The following PEBP4 variants were observed in gnomAD, a reference collection of about 807,000 sequenced individuals.
PEBP4 encodes phosphatidylethanolamine binding protein 4.
PEBP4 carries 22 observed loss-of-function variants against 23.9 expected under a neutral mutation model. The observed-to-expected ratio is 0.92, with a 90% CI of 0.66 to 1.31. The LOEUF (loss-of-function observed/expected upper bound fraction) is 1.31, where lower values mean the gene tolerates loss of function less well. Among genes scored for constraint, PEBP4 ranks in the 40% most tolerant of loss-of-function variants. The pLI is 0.00. For synonymous variants in PEBP4, 112 were observed against 99.3 expected (o/e 1.13, Z -0.76); for missense variants, 324 against 281.7 (o/e 1.15, Z -1.07).
intron 4 of PEBP4, among the ~76,000 whole-genome samples, chr8:22,735,439 G>C (rs1804839649): frequency 6.6e-6 from 1 of 152,224 alleles, no homozygotes; most frequent in African/African-American, 2.4e-5. Context: ...GTGTGCATGA[G>C]ACATGGGAAG....
chr8:22,749,652 C>T (rs1805204355), intron 4 of PEBP4, among the ~76,000 whole-genome samples: 1 of 152,056 alleles, frequency 6.6e-6, no homozygotes. Flanking sequence ...ATGCAGGCAC[C>T]AATGAGCTGC....
intron 2 of PEBP4, among the ~76,000 whole-genome samples, chr8:22,926,128 A>C (rs1809324668): frequency 1.3e-5 from 2 of 151,894 alleles, no homozygotes; most frequent in African/African-American, 2.4e-5. Context: ...GGTGTGCGCC[A>C]CCATGCCCGG....
chr8:22,898,774 T>G (rs1249353132), intron 3 of PEBP4, among the ~76,000 whole-genome samples: 2 of 152,116 alleles, frequency 1.3e-5, no homozygotes, highest in Non-Finnish European at 2.9e-5. Flanking sequence ...AAATGTGTGG[T>G]TGAAATCCAG....
chr8:22,811,047 G>T (rs1246004925), intron 4 of PEBP4, among the ~76,000 whole-genome samples: 1 of 152,032 alleles, frequency 6.6e-6, no homozygotes, highest in Non-Finnish European at 1.5e-5. Context: ...CTTCCTGCAT[G>T]TATACCTTAT....
chr8:22,890,736 C>T (rs118062065), intron 3 of PEBP4, among the ~76,000 whole-genome samples: 4 of 152,350 alleles, frequency 2.6e-5, no homozygotes, highest in East Asian at 1.9e-4. Context: ...TGACTTTTAC[C>T]GGCAAGCATG....
intron 6 of PEBP4, among the ~76,000 whole-genome samples, chr8:22,723,470 G>C (rs532676764): frequency 2.6e-5 from 4 of 152,058 alleles, no homozygotes; most frequent in Non-Finnish European, 4.4e-5. Flanking sequence ...CTCCCGCCCT[G>C]GGCATAGGCA....
At chr8:22,748,907 G>GAT (rs1805187158) in intron 4 of PEBP4, among the ~76,000 whole-genome samples, 1 of 152,146 alleles carries the variant, frequency 6.6e-6, no homozygotes, top group Non-Finnish European at 1.5e-5. Context: ...GACCCCTTGG[G>GAT]TACCTCTGAA....
intron 3 of PEBP4, among the ~76,000 whole-genome samples, chr8:22,908,108 G>A (rs1001915391): frequency 1.3e-5 from 2 of 152,144 alleles, no homozygotes; most frequent in East Asian, 1.9e-4. Flanking sequence ...CAAGACTGAA[G>A]ATGGAGCAGG....
chr8:22,838,492 T>C (rs1047262865), intron 3 of PEBP4, among the ~76,000 whole-genome samples: 15 of 152,234 alleles, frequency 9.9e-5, no homozygotes, highest in Non-Finnish European at 1.6e-4. Flanking sequence ...GGTCCTTTAC[T>C]TCCTCCCTCA....
upstream of PEBP4, among the ~76,000 whole-genome samples, chr8:22,928,313 G>C (rs995657651): frequency 6.6e-6 from 1 of 152,234 alleles, no homozygotes; most frequent in African/African-American, 2.4e-5. Context: ...ACTGCTGCAG[G>C]GGGTGGGGGT....
chr8:22,869,679 G>A (rs533479667), intron 3 of PEBP4, among the ~76,000 whole-genome samples: 7 of 152,230 alleles, frequency 4.6e-5, no homozygotes, highest in Admixed American at 3.3e-4. Context: ...ACTGGGATCC[G>A]AAACATACAA....
At chr8:22,788,842 A>C (rs1806080082) in intron 4 of PEBP4, among the ~76,000 whole-genome samples, 1 of 152,204 alleles carries the variant, frequency 6.6e-6, no homozygotes, top group East Asian at 1.9e-4. Context: ...TGTATTCACA[A>C]CTTTGTTCAT....
intron 4 of PEBP4, among the ~76,000 whole-genome samples, chr8:22,764,942 G>A (rs567188878): frequency 6.6e-6 from 1 of 152,102 alleles, no homozygotes; most frequent in Non-Finnish European, 1.5e-5. Context: ...GTGGGTCAGA[G>A]AGAGGAGGGG....
rs142562046 is a variant in PEBP4, at chr8:22,735,668, G to C, written c.358-8448C>G. On this transcript the variant is annotated intron_variant, in intron 4 of 6. Coordinates refer to ENST00000256404, the MANE Select transcript of PEBP4 (RefSeq NM_144962.3). ...CAAATGATCAGTAACTGTGTCCCAG[G>C]AGGGCCACCAGAGTTGGTTGGCTGA... 6.4e-4 allele frequency among the ~76,000 whole-genome samples: 97 copies of C among 152,328 alleles called. No homozygotes were observed. In the Middle Eastern group the frequency reaches 0.014, roughly 21 times the overall value.
At chr8:22,821,365 T>C (rs139055601) in intron 3 of PEBP4, among the ~76,000 whole-genome samples, 1 of 152,182 alleles carries the variant, frequency 6.6e-6, no homozygotes, top group Non-Finnish European at 1.5e-5. Flanking sequence ...ACATGTGTAC[T>C]GCAGAACTCA....
chr8:22,814,328 A>G (rs555469546), intron 4 of PEBP4, among the ~76,000 whole-genome samples: 1 of 152,338 alleles, frequency 6.6e-6, no homozygotes, highest in African/African-American at 2.4e-5. Flanking sequence ...TATTTCTTGA[A>G]TTAAACGAAC....
chr8:22,909,019 A>C (rs1481044057), intron 3 of PEBP4, among the ~76,000 whole-genome samples: 3 of 152,170 alleles, frequency 2.0e-5, no homozygotes, highest in Non-Finnish European at 4.4e-5. Context: ...TTGCAGAGAG[A>C]GGTGAACCCA....
chr8:22,823,170 T>C (rs1242115801), intron 3 of PEBP4, among the ~76,000 whole-genome samples: 1 of 151,964 alleles, frequency 6.6e-6, no homozygotes, highest in Non-Finnish European at 1.5e-5. Flanking sequence ...ATATGTATAT[T>C]TACTACATGA....
intron 2 of PEBP4, among the ~76,000 whole-genome samples, chr8:22,925,534 A>G (rs1809308159): frequency 6.6e-6 from 1 of 152,208 alleles, no homozygotes; most frequent in South Asian, 2.1e-4. Flanking sequence ...GAAAGGAGTC[A>G]AGGAGTCCAG....
Sources: gnomAD v4.1 joint callset for allele counts (sites outside exome capture counted in the v4.1 genomes callset) on GRCh38, gnomAD v4.1.1 for gene constraint, MANE v1.5 for transcripts, NCBI Gene and HGNC (gene_info 2026-07-23, HGNC 2026-07-21) for gene names.